Variants in LHX9 observed in about 807,000 individuals in gnomAD.
LHX9 encodes LIM/homeobox protein Lhx9.
LHX9 carries 9 observed loss-of-function variants against 36.5 expected under a neutral mutation model. That is an observed-to-expected ratio of 0.25 (90% CI 0.15 to 0.43). LHX9 has a LOEUF of 0.43. LHX9 is among the 20% of genes least tolerant of loss of function. LHX9 has a pLI of 1.00. For missense variants in LHX9, 464 were observed against 526.4 expected (o/e 0.88, Z 1.16); for synonymous variants, 211 against 212.1 (o/e 0.99, Z 0.04).
In LHX9 at chr1:197,934,614, T is replaced by C. The variant is rs901327970; in HGVS notation, c.*5355T>C. 1 of 152,124 alleles carries C rather than the reference T, an allele frequency of 6.6e-6. No individual in the cohort carries two copies. The highest frequency in any genetic ancestry group is 2.4e-5 in the African/African-American group (1 of 41,438). 9.4% of individuals were successfully genotyped at this position (152,124 alleles called of 1,614,324 possible). ...TAGGACTTAGTCCAAATTGACGAAA[T>C]ATCATTGAATTTTCTTTGAAAGCAT... On this transcript the variant is annotated 3_prime_UTR_variant, in exon 5 of 5. Transcript: ENST00000367387.
Position 197,933,252 on chromosome 1 carries a change from CAG to C in LHX9, c.*3995_*3996del, listed in dbSNP as rs1303009283. The C allele has an allele frequency of 3.9e-5, 6 of 152,048 alleles. No individual in the cohort carries two copies. In the East Asian group the frequency reaches 1.2e-3, roughly 29 times the overall value. 9.4% of individuals were successfully genotyped at this position (152,048 alleles called of 1,614,324 possible). On this transcript the variant is annotated 3_prime_UTR_variant, in exon 5 of 5. Transcript: ENST00000367387. Reference sequence around the variant, plus strand: ...TAAATGATGTAACTTTTATGAATGACAGACATTAAATATTTCACTTACATGTA... The same window carrying C: ...TAAATGATGTAACTTTTATGAATGACACATTAAATATTTCACTTACATGTA...
At chr1:197,916,477 C>T (rs771129057), upstream of LHX9, 122 of 579,966 alleles carry the variant, frequency 2.1e-4, no homozygotes, top group Admixed American at 3.9e-4. Flanking sequence ...CCCGGGAGTC[C>T]GCAAGTCGCT....
At chr1:197,915,451 T>C (rs1293780236), upstream of LHX9, among the ~76,000 whole-genome samples, 4 of 152,280 alleles carry the variant, frequency 2.6e-5, no homozygotes, top group African/African-American at 9.6e-5. Context: ...TGCACGTGGG[T>C]TTGAAAAGCT....
intron 4 of LHX9, 35 bp downstream of exon 4, chr1:197,927,828 T>C (rs781171097): frequency 1.3e-6 from 2 of 1,563,624 alleles, no homozygotes; most frequent in Non-Finnish European, 1.8e-6. Context: ...TGCATACATT[T>C]CCCTTCCCCT....
Position 197,921,472 on chromosome 1 carries a change from C to T in LHX9, c.546C>T (p.Tyr182=). 1.2e-6 allele frequency: 2 copies of T among 1,614,226 alleles called. No homozygotes were observed. The highest frequency in any genetic ancestry group is 1.7e-6 in the Non-Finnish European group (2 of 1,180,054). ...TCGGCATGAAGGACAGCCTGGTGTA[C>T]TGCCGCGCCCACTTCGAGACCCTCT... ...DHFGMKDSLV[Y]CRAHFETLLQ... is the part of the protein sequence containing the mutation. The change falls in exon 3 of 5, where the codon TAC becomes TAT. Residue 182 remains tyrosine, a synonymous_variant. Transcript: ENST00000367387. The surrounding 1 kb of genome is among the most constrained non-coding windows in gnomAD (Gnocchi z 4.6).
In LHX9 at chr1:197,921,614, C is replaced by G. The variant is rs750699252; in HGVS notation, c.688C>G (p.Arg230Gly). 1.2e-6 allele frequency: 2 copies of G among 1,603,674 alleles called. No individual in the cohort carries two copies. The highest frequency in any genetic ancestry group is 1.7e-6 in the Non-Finnish European group (2 of 1,177,476). The change falls in exon 3 of 5, where the codon CGG becomes GGG. Residue 230 changes from arginine to glycine, a missense_variant. Coordinates refer to ENST00000367387, the MANE Select transcript of LHX9 (RefSeq NM_020204.3). This position sits in a 1 kb window ranked among gnomAD's most constrained non-coding sequence, Gnocchi z 4.6. Reference protein sequence around the residue: ...GTVQKGRPRKRKSPALGVDIV... With the variant: ...GTVQKGRPRKGKSPALGVDIV... Reference sequence around the variant, plus strand: ...CGTGCAGAAAGGGCGGCCCCGGAAGCGGAAGAGCCCAGCGCTGGGAGTGGA... The same window carrying G: ...CGTGCAGAAAGGGCGGCCCCGGAAGGGGAAGAGCCCAGCGCTGGGAGTGGA...
At chr1:197,918,796 C>CCGGG (rs368086643) in intron 1 of LHX9, 3 of 8,490 alleles carry the variant, frequency 3.5e-4, no homozygotes, top group African/African-American at 1.1e-3. Context: ...AGATTACTAA[C>CCGGG]GGGGGGGGGG....
chr1:197,917,181 C>G (rs1483071983), upstream of LHX9: 1 of 973,590 alleles, frequency 1.0e-6, no homozygotes, highest in African/African-American at 1.8e-5. Flanking sequence ...CCTCCCCGCT[C>G]TCTATCCCCC....
chr1:197,926,489 C>A (rs1363293958), intron 3 of LHX9, among the ~76,000 whole-genome samples: 1 of 152,190 alleles, frequency 6.6e-6, no homozygotes, highest in Non-Finnish European at 1.5e-5. Flanking sequence ...TTTCATTTTA[C>A]AATTGTATTT....
intron 3 of LHX9, among the ~76,000 whole-genome samples, chr1:197,924,182 T>TA (rs1279375561): frequency 2.0e-5 from 3 of 152,162 alleles, no homozygotes; most frequent in African/African-American, 4.8e-5. Context: ...TGTAAAAAAA[T>TA]AAAATAAATC....
At position 197,933,653 on chromosome 1, in the gene LHX9, A is replaced by G. The variant is rs1660382897; in HGVS notation, c.*4394A>G. On this transcript the variant is annotated 3_prime_UTR_variant, in exon 5 of 5. Coordinates refer to ENST00000367387, the MANE Select transcript of LHX9 (RefSeq NM_020204.3). Reference sequence around the variant, plus strand: ...AATATTTGTCTGGTATGTGAAATGCAGGAAGAGACCAGAGAGGGAAAGAAC... The same window carrying G: ...AATATTTGTCTGGTATGTGAAATGCGGGAAGAGACCAGAGAGGGAAAGAAC... The G allele has an allele frequency of 6.6e-6, 1 of 151,906 alleles. No individual in the cohort carries two copies. Among genetic ancestry groups the G allele is most frequent in the South Asian group, 2.1e-4 (1 of 4,800 alleles). The allele number at this position is 151,906 out of a possible 1,614,324, so 9.4% of individuals were successfully genotyped here.
chr1:197,926,012 G>A (rs1457075889), intron 3 of LHX9, among the ~76,000 whole-genome samples: 13 of 152,188 alleles, frequency 8.5e-5, no homozygotes, highest in African/African-American at 2.6e-4. Context: ...CTACTTATGC[G>A]TCTTATGGAA....
chr1:197,924,287 A>G (rs1023432125), intron 3 of LHX9, among the ~76,000 whole-genome samples: 1 of 152,254 alleles, frequency 6.6e-6, no homozygotes, highest in Non-Finnish European at 1.5e-5. Context: ...CATAAAGGGT[A>G]AGGTTGATAC....
intron 4 of LHX9, 42 bp downstream of exon 4, chr1:197,927,835 C>G: frequency 1.3e-6 from 2 of 1,542,356 alleles, no homozygotes; most frequent in Non-Finnish European, 1.8e-6. Flanking sequence ...ATTTCCCTTC[C>G]CCTTCCCAGT....
At chr1:197,924,613 AC>A (rs1463284380) in intron 3 of LHX9, among the ~76,000 whole-genome samples, 7 of 152,332 alleles carry the variant, frequency 4.6e-5, no homozygotes, top group Admixed American at 1.3e-4. Context: ...GAGAGATTAA[AC>A]TTTTGCCACT....
At chr1:197,912,770 C>T, upstream of LHX9, 1 of 621,200 alleles carries the variant, frequency 1.6e-6, no homozygotes, top group East Asian at 2.8e-5. Context: ...CCTCCTTTTG[C>T]CTTTCTCTTT....
At chr1:197,916,618 C>G, upstream of LHX9, 1 of 702,568 alleles carries the variant, frequency 1.4e-6, no homozygotes, top group Non-Finnish European at 2.6e-6. Flanking sequence ...AGGTCCATGC[C>G]CTGTCCCCTA....
In LHX9 at chr1:197,930,176, T is replaced by C. The variant is rs1015045189; in HGVS notation, c.*917T>C. ...TAGCTCTATTAATTGGCTTCAGCTG[T>C]ACCATGATATTGTATCTGGCATTCT... On this transcript the variant is annotated 3_prime_UTR_variant, in exon 5 of 5. Coordinates refer to ENST00000367387, the MANE Select transcript of LHX9 (RefSeq NM_020204.3). The C allele has an allele frequency of 1.9e-6, 1 of 515,624 alleles. No homozygotes were observed. Among genetic ancestry groups the C allele is most frequent in the Non-Finnish European group, 2.5e-6 (1 of 401,214 alleles). 31.9% of individuals were successfully genotyped at this position (515,624 alleles called of 1,614,324 possible). A position where few individuals can be genotyped will look rare whatever the true frequency, so the allele number is the denominator to read the frequency against.
intron 3 of LHX9, among the ~76,000 whole-genome samples, chr1:197,925,399 A>AC (rs1231950044): frequency 1.3e-5 from 2 of 152,200 alleles, no homozygotes; most frequent in African/African-American, 4.8e-5. Context: ...CATTATTTAA[A>AC]CACCAAGTCC....
Sources: gnomAD v4.1 joint callset for allele counts (sites outside exome capture counted in the v4.1 genomes callset) on GRCh38, gnomAD v4.1.1 for gene constraint, Gnocchi (gnomAD v3.1) non-coding constraint, MANE v1.5 for transcripts, NCBI Gene and HGNC (gene_info 2026-07-23, HGNC 2026-07-21) for gene names.